ZMAT3: variants seen among roughly 807,000 people sequenced by gnomAD.
The protein encoded by ZMAT3 is zinc finger matrin-type 3, also known as zinc finger matrin-type protein 3.
Under a neutral mutation model 32.3 loss-of-function variants are expected in ZMAT3, and 17 were observed. The observed-to-expected ratio is 0.53, with a 90% CI of 0.36 to 0.79. ZMAT3 has a LOEUF of 0.79. ZMAT3 is among the 30% of genes least tolerant of loss of function. The probability of loss-of-function intolerance (pLI) is 0.00; values close to 1 mark genes in which losing one functional copy is unlikely to be tolerated. For synonymous variants in ZMAT3, 120 were observed against 133.1 expected, an observed-to-expected ratio of 0.90 and a Z score of 0.68; for missense variants, 329 against 359.7, an observed-to-expected ratio of 0.91 and a Z score of 0.69.
At chr3:179,057,057 C>T (rs1485902272) in intron 2 of ZMAT3, among the ~76,000 whole-genome samples, 2 of 152,092 alleles carry the variant, frequency 1.3e-5, no homozygotes, top group South Asian at 2.1e-4. Context: ...TAAAGGATTC[C>T]GCGTCCTTTC....
chr3:179,047,046 C>A (rs1720279197), intron 2 of ZMAT3, among the ~76,000 whole-genome samples: 2 of 152,164 alleles, frequency 1.3e-5, no homozygotes, highest in South Asian at 2.1e-4. Flanking sequence ...GGAGACCAAC[C>A]AACACAAAAC....
At chr3:179,052,899 A>G (rs9843363) in intron 2 of ZMAT3, among the ~76,000 whole-genome samples, 94,033 of 151,912 alleles carry the variant, frequency 0.62, 29,291 homozygotes, top group East Asian at 0.8. Flanking sequence ...AGGCAGAGGC[A>G]GGCGGATCAC....
chr3:179,055,532 A>C (rs1191703051), intron 2 of ZMAT3, among the ~76,000 whole-genome samples: 2 of 143,966 alleles, frequency 1.4e-5, no homozygotes, highest in Non-Finnish European at 3.0e-5. Context: ...CAAACGGTCC[A>C]AAAGGAGATA....
chr3:179,071,131 A>G (rs1323013089), intron 1 of ZMAT3, among the ~76,000 whole-genome samples: 1 of 152,342 alleles, frequency 6.6e-6, no homozygotes, highest in Middle Eastern at 3.4e-3. Context: ...CCTATAAAGA[A>G]GGCTCAAAAG....
At chr3:179,066,766 C>G (rs1721437050) in intron 2 of ZMAT3, among the ~76,000 whole-genome samples, 1 of 152,182 alleles carries the variant, frequency 6.6e-6, no homozygotes, top group Non-Finnish European at 1.5e-5. Flanking sequence ...GTTTAATTTT[C>G]CATTTGTTCT....
chr3:179,048,077 A>C (rs878939526), intron 2 of ZMAT3, among the ~76,000 whole-genome samples: 1 of 152,224 alleles, frequency 6.6e-6, no homozygotes, highest in Non-Finnish European at 1.5e-5. Context: ...CTCAAATATA[A>C]GGCTTTTGAA....
At chr3:179,026,404 T>TG (rs1718874208) in intron 5 of ZMAT3, among the ~76,000 whole-genome samples, 2 of 135,294 alleles carry the variant, frequency 1.5e-5, no homozygotes, top group Non-Finnish European at 3.1e-5. Context: ...TTTTTTTTTT[T>TG]GAGACAGAGT....
At chr3:179,042,567 C>T (rs1225047851) in intron 2 of ZMAT3, among the ~76,000 whole-genome samples, 4 of 152,180 alleles carry the variant, frequency 2.6e-5, no homozygotes, top group African/African-American at 7.2e-5. Flanking sequence ...ATTGATGGAA[C>T]GTATCTCAAA....
intron 2 of ZMAT3, among the ~76,000 whole-genome samples, chr3:179,039,800 C>T (rs910579287): frequency 1.3e-5 from 2 of 152,114 alleles, no homozygotes; most frequent in African/African-American, 4.8e-5. Context: ...GGAGCATGTT[C>T]GAACCCATCG....
intron 2 of ZMAT3, among the ~76,000 whole-genome samples, chr3:179,035,615 T>C (rs1188331500): frequency 6.6e-6 from 1 of 152,064 alleles, no homozygotes; most frequent in Non-Finnish European, 1.5e-5. Context: ...CTTGTTTTTT[T>C]TTCTCTTTCC....
chr3:179,033,295 G>A (rs995126684), intron 2 of ZMAT3, among the ~76,000 whole-genome samples: 40 of 152,096 alleles, frequency 2.6e-4, no homozygotes, highest in African/African-American at 9.4e-4. Context: ...CAGCATACTC[G>A]TTAAGAGTCA....
chr3:179,056,595 A>C (rs1373426821), intron 2 of ZMAT3, among the ~76,000 whole-genome samples: 1 of 152,232 alleles, frequency 6.6e-6, no homozygotes, highest in Non-Finnish European at 1.5e-5. Context: ...ATCCAGCAGC[A>C]GGACTGAGGG....
At chr3:179,062,813 A>G (rs775170892) in intron 2 of ZMAT3, among the ~76,000 whole-genome samples, 2 of 152,182 alleles carry the variant, frequency 1.3e-5, no homozygotes, top group Non-Finnish European at 2.9e-5. Context: ...ATCTCGGGAG[A>G]ACAATCAAGG....
chr3:179,053,045 T>C lies in ZMAT3; in HGVS notation c.270+14438A>G, dbSNP rs529222019. Among the ~76,000 whole-genome samples the C allele has an allele frequency of 1.1e-4, 17 of 152,142 alleles. No homozygotes were observed. The South Asian group carries it at 3.3e-3, about 30-fold the overall frequency. On this transcript the variant is annotated intron_variant, in intron 2 of 5. Transcript: ENST00000311417. ...CAGGAGGCTAAGGCAGGAGAATCGC[T>C]TGAGCCCAGGAGGCGGAGGTTGCAG...
chr3:179,030,911 G>C lies in ZMAT3; in HGVS notation c.359C>G (p.Ala120Gly). 6.2e-7 allele frequency: 1 copy of C among 1,613,682 alleles called. No homozygotes were observed. Among genetic ancestry groups the C allele is most frequent in the Non-Finnish European group, 8.5e-7 (1 of 1,179,764 alleles). ...PARMSNVVEP[A>G]ATPVVPVPPQ... ...AGGGACTGGAACAACTGGAGTAGCT[G>C]CAGGCTCGACCACATTGCTCATTCT... The change falls in exon 3 of 6, where the codon GCA (alanine) becomes GGA (glycine). Residue 120 changes from alanine (A) to glycine (G), a missense_variant. Coordinates refer to ENST00000311417, the MANE Select transcript of ZMAT3 (RefSeq NM_022470.4).
chr3:179,035,366 G>C (rs373508087), intron 2 of ZMAT3, among the ~76,000 whole-genome samples: 8 of 152,234 alleles, frequency 5.3e-5, no homozygotes, highest in African/African-American at 1.9e-4. Context: ...GCTCAGGCTA[G>C]CTCCAAGGCC....
intron 2 of ZMAT3, among the ~76,000 whole-genome samples, chr3:179,044,248 TAC>T (rs967657793): frequency 6.6e-6 from 1 of 152,208 alleles, no homozygotes; most frequent in Non-Finnish European, 1.5e-5. Context: ...TTATAAATCA[TAC>T]TACTATAAAG....
intron 2 of ZMAT3, among the ~76,000 whole-genome samples, chr3:179,031,676 G>A (rs536367265): frequency 6.6e-6 from 1 of 152,206 alleles, no homozygotes; most frequent in Non-Finnish European, 1.5e-5. Flanking sequence ...GGAGGCCAAG[G>A]AGGGTGGATG....
At chr3:179,035,592 T>C (rs1273723516) in intron 2 of ZMAT3, among the ~76,000 whole-genome samples, 5 of 147,428 alleles carry the variant, frequency 3.4e-5, no homozygotes, top group Non-Finnish European at 4.5e-5. Flanking sequence ...TCTAAAATAA[T>C]ATAGTTTGTT....
Sources: gnomAD v4.1 joint callset for allele counts (sites outside exome capture counted in the v4.1 genomes callset) on GRCh38, gnomAD v4.1.1 for gene constraint, MANE v1.5 for transcripts, NCBI Gene and HGNC (gene_info 2026-07-23, HGNC 2026-07-21) for gene names.